The following PHACTR1 variants were observed in gnomAD, a reference collection of about 807,000 sequenced individuals.
PHACTR1 encodes phosphatase and actin regulator 1.
In PHACTR1, 16 loss-of-function variants were observed where a neutral mutation model predicts 69.2. The observed-to-expected ratio is 0.23, with a 90% CI of 0.16 to 0.35. PHACTR1 has a LOEUF of 0.35. Among genes scored for constraint, PHACTR1 ranks in the 10% least tolerant of loss-of-function variants. The pLI is 1.00. For synonymous variants in PHACTR1, 312 were observed against 284.5 expected, an observed-to-expected ratio of 1.10 and a Z score of -0.97; for missense variants, 510 against 734.7, an observed-to-expected ratio of 0.69 and a Z score of 3.54.
chr6:12,762,917 A>T (rs1197081488), intron 4 of PHACTR1, among the ~76,000 whole-genome samples: 1 of 152,184 alleles, frequency 6.6e-6, no homozygotes, highest in Non-Finnish European at 1.5e-5. Flanking sequence ...GACTTGTTTC[A>T]TAGAACAGCA....
chr6:13,048,655 C>T (rs1005803550), intron 4 of PHACTR1, among the ~76,000 whole-genome samples: 3 of 152,112 alleles, frequency 2.0e-5, no homozygotes, highest in Non-Finnish European at 4.4e-5. Context: ...CTGCCTCAGC[C>T]TCAGTAGCTG....
chr6:13,172,312 C>A (rs1760735907), intron 6 of PHACTR1, among the ~76,000 whole-genome samples: 1 of 152,190 alleles, frequency 6.6e-6, no homozygotes, highest in Non-Finnish European at 1.5e-5. Context: ...GAGCCAGAGT[C>A]ATTGTTTGGA....
At chr6:12,743,382 G>A (rs1297516166) in intron 3 of PHACTR1, among the ~76,000 whole-genome samples, 2 of 152,112 alleles carry the variant, frequency 1.3e-5, no homozygotes, top group Non-Finnish European at 2.9e-5. Context: ...TGTATAAAGT[G>A]CAGCAAGAAT....
intron 10 of PHACTR1, among the ~76,000 whole-genome samples, chr6:13,251,544 A>T (rs1404581880): frequency 6.6e-6 from 1 of 152,116 alleles, no homozygotes; most frequent in African/African-American, 2.4e-5. Context: ...TTCATGGTGC[A>T]TGTGTGTGTT....
chr6:13,255,361 G>T (rs925336795), intron 10 of PHACTR1, among the ~76,000 whole-genome samples: 7 of 152,152 alleles, frequency 4.6e-5, no homozygotes, highest in African/African-American at 1.7e-4. Flanking sequence ...TTGAACATGA[G>T]ATTTGGGTAG....
At chr6:12,804,727 A>G (rs533892027) in intron 4 of PHACTR1, among the ~76,000 whole-genome samples, 1 of 152,250 alleles carries the variant, frequency 6.6e-6, no homozygotes, top group South Asian at 2.1e-4. Flanking sequence ...TGAGCCTGGG[A>G]GGGTGAGGTT....
chr6:13,233,587 C>T (rs1276237868), intron 10 of PHACTR1, among the ~76,000 whole-genome samples: 1 of 152,124 alleles, frequency 6.6e-6, no homozygotes, highest in Non-Finnish European at 1.5e-5. Flanking sequence ...GAGGAAATGC[C>T]AGATGCTTAT....
chr6:12,806,391 A>T (rs1466911928), intron 4 of PHACTR1, among the ~76,000 whole-genome samples: 2 of 152,222 alleles, frequency 1.3e-5, no homozygotes, highest in African/African-American at 4.8e-5. Flanking sequence ...ACTTTTGTAA[A>T]GACTTTAATT....
intron 5 of PHACTR1, among the ~76,000 whole-genome samples, chr6:13,087,836 G>T (rs1812560114): frequency 6.6e-6 from 1 of 151,764 alleles, no homozygotes; most frequent in Non-Finnish European, 1.5e-5. Flanking sequence ...TTGTAGAGAT[G>T]GGATTTCACC....
At chr6:12,895,241 G>A (rs1784550184) in intron 4 of PHACTR1, among the ~76,000 whole-genome samples, 1 of 142,438 alleles carries the variant, frequency 7.0e-6, no homozygotes, top group Non-Finnish European at 1.5e-5. Context: ...GAGTGCAATG[G>A]CATGATCTCG....
intron 8 of PHACTR1, among the ~76,000 whole-genome samples, chr6:13,211,523 T>C (rs988548542): frequency 1.3e-5 from 2 of 152,176 alleles, no homozygotes; most frequent in African/African-American, 4.8e-5. Context: ...ATGTGGACCC[T>C]GAAGGAATTT....
chr6:13,208,635 C>CCT (rs1766307030), intron 8 of PHACTR1, among the ~76,000 whole-genome samples: 1 of 149,434 alleles, frequency 6.7e-6, no homozygotes, highest in African/African-American at 2.5e-5. Context: ...CTGCCCACCC[C>CCT]CCCAACCCCA....
chr6:12,916,118 A>G (rs1268032571), intron 4 of PHACTR1, among the ~76,000 whole-genome samples: 1 of 152,186 alleles, frequency 6.6e-6, no homozygotes, highest in Non-Finnish European at 1.5e-5. Flanking sequence ...CCATAAGCCT[A>G]AAACTGCTCC....
Position 12,770,220 on chromosome 6 carries a change from T to A in PHACTR1, c.250+20430T>A, listed in dbSNP as rs897533788. 2.6e-5 allele frequency among the ~76,000 whole-genome samples: 4 copies of A among 152,222 alleles called. No individual in the cohort carries two copies. The South Asian group carries it at 8.3e-4, about 31-fold the overall frequency. ...GCAAGACTAGTACTCCAGGTATTAATACATCTGTTTTTACAACAGTCATCT... is the reference window on the plus strand; with the variant it reads ...GCAAGACTAGTACTCCAGGTATTAAAACATCTGTTTTTACAACAGTCATCT... On this transcript the variant is annotated intron_variant, in intron 4 of 14. Transcript: ENST00000332995.
At chr6:12,878,050 A>C (rs1211688027) in intron 4 of PHACTR1, among the ~76,000 whole-genome samples, 1 of 152,210 alleles carries the variant, frequency 6.6e-6, no homozygotes, top group Non-Finnish European at 1.5e-5. Flanking sequence ...GTTGTCAGCT[A>C]AGTGTTCATT....
chr6:12,792,674 A>C (rs1437858439), intron 4 of PHACTR1, among the ~76,000 whole-genome samples: 4 of 151,962 alleles, frequency 2.6e-5, no homozygotes, highest in Admixed American at 2.6e-4. Context: ...ATGATCTTCC[A>C]ATTTTTGTTC....
At chr6:13,162,392 G>T (rs1298769233) in intron 6 of PHACTR1, among the ~76,000 whole-genome samples, 1 of 151,954 alleles carries the variant, frequency 6.6e-6, no homozygotes, top group Non-Finnish European at 1.5e-5. Context: ...CTCCCAAAGT[G>T]CTGGGATTAC....
intron 4 of PHACTR1, among the ~76,000 whole-genome samples, chr6:12,899,296 T>C (rs2127479541): frequency 6.6e-6 from 1 of 152,330 alleles, no homozygotes; most frequent in Admixed American, 6.5e-5. Flanking sequence ...ACTTTCCTAA[T>C]GCAGGGTTGT....
chr6:12,759,573 AGTGGGCAT>A, intron 4 of PHACTR1, among the ~76,000 whole-genome samples: 1 of 152,324 alleles, frequency 6.6e-6, no homozygotes, highest in South Asian at 2.1e-4. Context: ...CCTTGGGCTC[AGTGGGCAT>A]GGGGCCACAC....
Sources: allele counts gnomAD v4.1 joint callset (sites outside exome capture counted in the v4.1 genomes callset), GRCh38; gene constraint gnomAD v4.1.1; transcripts MANE v1.5; gene names NCBI Gene and HGNC (gene_info 2026-07-23, HGNC 2026-07-21).